KMT5B: variants seen among roughly 807,000 people sequenced by gnomAD.
The protein encoded by KMT5B is lysine methyltransferase 5B.
In KMT5B, 10 loss-of-function variants were observed where a neutral mutation model predicts 83.2. That is an observed-to-expected ratio of 0.12 (90% CI 0.07 to 0.20). KMT5B has a LOEUF of 0.20. Ranked by LOEUF, KMT5B falls within the 10% of genes least tolerant of loss-of-function variation. KMT5B has a pLI of 1.00. For synonymous variants in KMT5B, 349 were observed against 388.8 expected, an observed-to-expected ratio of 0.90 and a Z score of 1.20; for missense variants, 753 against 1,067.2, an observed-to-expected ratio of 0.71 and a Z score of 4.10.
At chr11:68,174,022 T>A in intron 5 of KMT5B, 109 bp from the exon 6 acceptor site, 1 of 775,616 alleles carries the variant, frequency 1.3e-6, no homozygotes, top group Non-Finnish European at 2.2e-6. Context: ...ATGTAAGATC[T>A]AGCCTGAGCA....
At chr11:68,173,757 A>C in intron 6 of KMT5B, 47 bp downstream of exon 6, 2 of 1,216,506 alleles carry the variant, frequency 1.6e-6, no homozygotes, top group Non-Finnish European at 2.4e-6. Context: ...ATAATTTAGA[A>C]GAGAACTTTA....
intron 1 of KMT5B, among the ~76,000 whole-genome samples, chr11:68,199,449 G>A (rs1859141583): frequency 6.6e-6 from 1 of 152,126 alleles, no homozygotes. Flanking sequence ...CAAACACAAG[G>A]CCCAGAGGCT....
chr11:68,191,171 C>G (rs1482689663), intron 1 of KMT5B, among the ~76,000 whole-genome samples: 2 of 59,736 alleles, frequency 3.3e-5, no homozygotes, highest in Non-Finnish European at 6.5e-5. Flanking sequence ...AATTTTAAAA[C>G]TTTGTGTGTG....
At position 68,157,874 on chromosome 11, in the gene KMT5B, T is replaced by C; in HGVS notation, c.2472A>G (p.Glu824=). The change falls in exon 11 of 11, where the codon GAA becomes GAG. Residue 824 remains glutamate (E), a synonymous_variant. Coordinates refer to ENST00000304363, the MANE Select transcript of KMT5B (RefSeq NM_017635.5). The part of the protein sequence containing the change: ...EVDDYSQYEE[E]STDDSSSSEG... ...CAGAAGAGGAGGAATCATCTGTACT[T>C]TCTTCCTCATACTGACTATAGTCAT... 6.2e-7 allele frequency: 1 copy of C among 1,614,048 alleles called. No homozygotes were observed. Among genetic ancestry groups the C allele is most frequent in the East Asian group, 2.2e-5 (1 of 44,880 alleles).
chr11:68,183,962 GA>G, intron 3 of KMT5B, among the ~76,000 whole-genome samples: 1 of 152,220 alleles, frequency 6.6e-6, no homozygotes, highest in South Asian at 2.1e-4. Flanking sequence ...GCCCAGCCTG[GA>G]TCTTAATCAA....
chr11:68,169,286 G>A (rs980381156), intron 9 of KMT5B, among the ~76,000 whole-genome samples: 2 of 152,108 alleles, frequency 1.3e-5, no homozygotes, highest in African/African-American at 2.4e-5. Flanking sequence ...GAGCTGTTTC[G>A]GTGTTGGTTT....
chr11:68,166,899 T>A, intron 10 of KMT5B, 83 bp downstream of exon 10: 1 of 1,558,818 alleles, frequency 6.4e-7, no homozygotes, highest in East Asian at 2.3e-5. Context: ...TTTAAAAGTT[T>A]AAAACTACTG....
Position 68,179,793 on chromosome 11 carries a change from G to C in KMT5B, c.377+339C>G, listed in dbSNP as rs929880217. 1.8e-4 allele frequency: 79 copies of C among 442,434 alleles called. No individual in the cohort carries two copies. In the Admixed American group the frequency reaches 3.0e-3, roughly 17 times the overall value. 27.4% of individuals were successfully genotyped at this position (442,434 alleles called of 1,614,324 possible). ...CAAATCCACAGTTTGTAGACGCTGAGTGAGGAGTCGCAGATCAGCTCTTCA... is the reference window on the plus strand; with the variant it reads ...CAAATCCACAGTTTGTAGACGCTGACTGAGGAGTCGCAGATCAGCTCTTCA... On this transcript the variant is annotated intron_variant, in intron 4 of 10. Coordinates refer to ENST00000304363, the MANE Select transcript of KMT5B (RefSeq NM_017635.5).
At chr11:68,190,179 A>C in intron 1 of KMT5B, 27 bp from the exon 2 acceptor site, 1 of 1,028,682 alleles carries the variant, frequency 9.7e-7, no homozygotes, top group African/African-American at 1.6e-5. Flanking sequence ...ATGAAAAACA[A>C]AACAAAATGG....
At chr11:68,179,878 C>T in intron 4 of KMT5B, 1 of 439,490 alleles carries the variant, frequency 2.3e-6, no homozygotes, top group South Asian at 3.0e-5. Flanking sequence ...GTCCTGCAAT[C>T]AGTGCTCAGC....
intron 1 of KMT5B, among the ~76,000 whole-genome samples, chr11:68,209,372 C>T (rs1304796531): frequency 1.3e-5 from 2 of 152,118 alleles, no homozygotes; most frequent in Admixed American, 6.6e-5. Flanking sequence ...TCAGGAAAAT[C>T]AGTCGTTGAG....
intron 6 of KMT5B, 86 bp downstream of exon 6, chr11:68,173,718 C>A: frequency 1.1e-6 from 1 of 951,578 alleles, no homozygotes; most frequent in Non-Finnish European, 1.6e-6. Context: ...GGCTTCATTC[C>A]TTACCATGAA....
At chr11:68,176,982 C>G (rs1168789780) in intron 4 of KMT5B, among the ~76,000 whole-genome samples, 1 of 152,138 alleles carries the variant, frequency 6.6e-6, no homozygotes, top group Admixed American at 6.6e-5. Context: ...GCAAAGGAAG[C>G]ATTCAGCAGA....
chr11:68,212,100 T>C (rs1860981556), intron 1 of KMT5B, among the ~76,000 whole-genome samples: 1 of 152,230 alleles, frequency 6.6e-6, no homozygotes. Flanking sequence ...CTACTAATTA[T>C]CAATATTATA....
intron 3 of KMT5B, among the ~76,000 whole-genome samples, chr11:68,185,502 C>T (rs939365402): frequency 1.3e-5 from 2 of 152,234 alleles, no homozygotes; most frequent in African/African-American, 4.8e-5. Flanking sequence ...GCCACCATGC[C>T]TGGCATCATC....
rs1855015183 is a variant in KMT5B at position 68,163,278 on chromosome 11, A to C, written c.1174+3704T>G. Among the ~76,000 whole-genome samples the C allele has an allele frequency of 2.0e-5, 3 of 152,208 alleles. No homozygotes were observed. In the South Asian group the frequency reaches 6.2e-4, roughly 31 times the overall value. ...ATTCATCCTAATGAACGCCGTTGGA[A>C]GGGAAAGCGATTAAAGCTATGTGAA... On this transcript the variant is annotated intron_variant, in intron 10 of 10. Transcript: ENST00000304363.
At chr11:68,166,750 A>G in intron 10 of KMT5B, 1 of 1,376,038 alleles carries the variant, frequency 7.3e-7, no homozygotes, top group South Asian at 1.7e-5. Flanking sequence ...ACTCATATCC[A>G]GTTACCAAGG....
chr11:68,182,854 G>A (rs1244677986), intron 3 of KMT5B, among the ~76,000 whole-genome samples: 4 of 150,736 alleles, frequency 2.7e-5, no homozygotes, highest in African/African-American at 9.8e-5. Context: ...CTCCTGCCTC[G>A]GCCTCCTGAG....
intron 4 of KMT5B, chr11:68,179,635 G>A (rs1856723667): frequency 8.1e-7 from 1 of 1,235,452 alleles, no homozygotes; most frequent in East Asian, 5.9e-5. Context: ...GTGGGGAACA[G>A]GAAGGGGAAC....
Sources: allele counts gnomAD v4.1 joint callset (sites outside exome capture counted in the v4.1 genomes callset), GRCh38; gene constraint gnomAD v4.1.1; transcripts MANE v1.5; gene names NCBI Gene and HGNC (gene_info 2026-07-23, HGNC 2026-07-21).